DGKH: variants seen among roughly 807,000 people sequenced by gnomAD.
DGKH encodes diacylglycerol kinase eta.
A neutral mutation model predicts 159.3 loss-of-function variants in DGKH; 90 were observed. The ratio of observed to expected loss-of-function variants is 0.57; its 90% CI spans 0.48 to 0.67. The LOEUF (loss-of-function observed/expected upper bound fraction) is 0.67. Among genes scored for constraint, DGKH ranks in the 30% least tolerant of loss-of-function variants. DGKH has a pLI of 0.00. For synonymous variants in DGKH, 536 were observed against 553.8 expected (o/e 0.97, Z 0.45); for missense variants, 1,181 against 1,506.1 (o/e 0.78, Z 3.57).
intron 30 of DGKH, among the ~76,000 whole-genome samples, chr13:42,254,377 C>T (rs1255609841): frequency 1.3e-5 from 2 of 152,116 alleles, no homozygotes; most frequent in African/African-American, 4.8e-5. Flanking sequence ...CCTGTAATCC[C>T]AGCACTTTGG....
chr13:42,256,386 G>A (rs11545657), exon 31 of DGKH: 44 of 1,581,080 alleles, frequency 2.8e-5, no homozygotes, highest in Admixed American at 1.8e-4. Flanking sequence ...CTCAATCCTC[G>A]TATAGCGTAT....
chr13:42,053,620 A>G (rs536617766), intron 1 of DGKH, among the ~76,000 whole-genome samples: 35 of 144,658 alleles, frequency 2.4e-4, no homozygotes, highest in African/African-American at 6.1e-4. Flanking sequence ...CTATATATGT[A>G]TATATATATA....
At chr13:42,121,776 T>G (rs531162070) in intron 1 of DGKH, among the ~76,000 whole-genome samples, 1 of 152,306 alleles carries the variant, frequency 6.6e-6, no homozygotes, top group East Asian at 1.9e-4. Context: ...ATGACATGGT[T>G]TCTATGGAAA....
chr13:42,132,190 G>T (rs1955303092), intron 3 of DGKH, among the ~76,000 whole-genome samples: 1 of 152,078 alleles, frequency 6.6e-6, no homozygotes, highest in Non-Finnish European at 1.5e-5. Flanking sequence ...GATACATAGT[G>T]ATGTTTCGAT....
chr13:42,156,138 G>A (rs750715511), intron 5 of DGKH, among the ~76,000 whole-genome samples: 6 of 152,038 alleles, frequency 3.9e-5, no homozygotes, highest in Non-Finnish European at 8.8e-5. Context: ...TAATTATATT[G>A]CATTGTTTTA....
downstream of DGKH, among the ~76,000 whole-genome samples, chr13:42,246,198 G>A (rs541022957): frequency 2.0e-5 from 3 of 152,170 alleles, no homozygotes; most frequent in South Asian, 4.2e-4. Flanking sequence ...CCACCAGTAC[G>A]TTCACAAAAT....
At chr13:42,170,143 A>G (rs944398657) in intron 11 of DGKH, among the ~76,000 whole-genome samples, 2 of 152,242 alleles carry the variant, frequency 1.3e-5, no homozygotes, top group African/African-American at 4.8e-5. Context: ...TGGTTACCAA[A>G]CAAAAGGGGT....
chr13:42,067,344 T>C (rs2137682890), intron 1 of DGKH, among the ~76,000 whole-genome samples: 1 of 152,334 alleles, frequency 6.6e-6, no homozygotes, highest in South Asian at 2.1e-4. Context: ...CAAATCAGAA[T>C]AGTATACCCA....
intron 29 of DGKH, 66 bp from the exon 30 acceptor site, chr13:42,229,033 A>G (rs960759167): frequency 7.2e-7 from 1 of 1,397,502 alleles, no homozygotes; most frequent in Non-Finnish European, 9.8e-7. Context: ...CATTTTTAAA[A>G]TTTTCTTTCT....
At chr13:42,244,676 G>T (rs949652102), downstream of DGKH, among the ~76,000 whole-genome samples, 10 of 151,784 alleles carry the variant, frequency 6.6e-5, no homozygotes, top group South Asian at 1.9e-3. Context: ...AGGCCGAGGC[G>T]GGCGGATCAC....
chr13:42,237,881 A>C lies in DGKH; in HGVS notation c.*8693A>C, dbSNP rs1489661812. Reference sequence around the variant, plus strand: ...CCCTGCAGACCAAGGAGATTTTCTTAAACTTGCTAAGCCTTTCTTAAACTT... The same window carrying C: ...CCCTGCAGACCAAGGAGATTTTCTTCAACTTGCTAAGCCTTTCTTAAACTT... On this transcript the variant is annotated 3_prime_UTR_variant, in exon 30 of 30. Transcript: ENST00000337343. The C allele has an allele frequency of 6.6e-6, 1 of 152,250 alleles. No homozygotes were observed. The highest frequency in any genetic ancestry group is 1.5e-5 in the Non-Finnish European group (1 of 68,036). The allele number at this position is 152,250 out of a possible 1,614,324, so 9.4% of individuals were successfully genotyped here.
chr13:42,252,095 T>C (rs2138339742), intron 29 of DGKH, among the ~76,000 whole-genome samples: 1 of 152,214 alleles, frequency 6.6e-6, no homozygotes, highest in East Asian at 1.9e-4. Context: ...GGAGCCAAGG[T>C]TACAGTAGGT....
intron 1 of DGKH, among the ~76,000 whole-genome samples, chr13:42,050,244 A>C (rs1881174292): frequency 6.6e-6 from 1 of 152,248 alleles, no homozygotes; most frequent in African/African-American, 2.4e-5. Flanking sequence ...TGAGGCGTGC[A>C]CCTGAGATCC....
At chr13:42,058,452 A>C (rs1306132880) in intron 1 of DGKH, among the ~76,000 whole-genome samples, 1 of 151,362 alleles carries the variant, frequency 6.6e-6, no homozygotes, top group Non-Finnish European at 1.5e-5. Context: ...AGCTGTTGTC[A>C]TTTTCATTTG....
At chr13:42,104,672 G>A (rs1954714274) in intron 1 of DGKH, among the ~76,000 whole-genome samples, 1 of 152,160 alleles carries the variant, frequency 6.6e-6, no homozygotes, top group African/African-American at 2.4e-5. Context: ...AGCTGGGAGG[G>A]TAAGTACTGG....
At chr13:42,210,806 G>T (rs370335341) in intron 24 of DGKH, 41 bp downstream of exon 24, 265 of 1,571,972 alleles carry the variant, frequency 1.7e-4, no homozygotes, top group Non-Finnish European at 2.2e-4. Context: ...GGGAACTGTG[G>T]TCTCAGCCAA....
Position 42,219,333 on chromosome 13 carries a change from A to C in DGKH, c.3317A>C (p.His1106Pro), listed in dbSNP as rs773146693. The C allele has an allele frequency of 1.9e-6, 3 of 1,613,870 alleles. No individual in the cohort carries two copies. Among genetic ancestry groups the C allele is most frequent in the Non-Finnish European group, 2.5e-6 (3 of 1,179,834 alleles). The change falls in exon 27 of 30, where the codon CAC becomes CCC. Residue 1106 changes from histidine (H) to proline (P), a missense_variant. His to Pro is a moderately conservative substitution (Grantham distance 77). Transcript: ENST00000337343. ...TEIPWLYYIL[H>P]PNEDEEPPMD... ...ATTCCTTGGCTTTATTATATCTTAC[A>C]CCCAAATGAGGATGAGGTATGTAAA...
chr13:42,090,859 T>C (rs1283022594), intron 1 of DGKH, among the ~76,000 whole-genome samples: 1 of 152,038 alleles, frequency 6.6e-6, no homozygotes, highest in Non-Finnish European at 1.5e-5. Context: ...TTAGGGTGCT[T>C]ATGATAGGGT....
intron 3 of DGKH, among the ~76,000 whole-genome samples, chr13:42,152,502 CAT>C (rs953691137): frequency 2.0e-5 from 3 of 148,658 alleles, no homozygotes; most frequent in Non-Finnish European, 4.5e-5. Flanking sequence ...CACACACAAA[CAT>C]ATATATATTA....
Sources: allele counts gnomAD v4.1 joint callset (sites outside exome capture counted in the v4.1 genomes callset), GRCh38; gene constraint gnomAD v4.1.1; transcripts MANE v1.5; gene names NCBI Gene and HGNC (gene_info 2026-07-23, HGNC 2026-07-21).